SGMS1: variants seen among roughly 807,000 people sequenced by gnomAD.
The protein encoded by SGMS1 is phosphatidylcholine:ceramide cholinephosphotransferase 1.
A neutral mutation model predicts 46.2 loss-of-function variants in SGMS1; 13 were observed. The ratio of observed to expected loss-of-function variants is 0.28; its 90% CI spans 0.18 to 0.45. The LOEUF (loss-of-function observed/expected upper bound fraction) is 0.45, where lower values mean the gene tolerates loss of function less well. SGMS1 is among the 20% of genes least tolerant of loss of function. The pLI, the probability that SGMS1 is intolerant of heterozygous loss-of-function variation, is 1.00. For missense variants in SGMS1, 324 were observed against 519.9 expected (o/e 0.62, Z 3.66); for synonymous variants, 203 against 187.8 (o/e 1.08, Z -0.66).
intron 6 of SGMS1, among the ~76,000 whole-genome samples, chr10:50,415,414 T>TC (rs1366671909): frequency 2.0e-5 from 3 of 152,150 alleles, no homozygotes; most frequent in Non-Finnish European, 4.4e-5. Flanking sequence ...GTGGCATGCT[T>TC]CCCCCTCTCC....
intron 3 of SGMS1, among the ~76,000 whole-genome samples, chr10:50,509,774 T>C (rs1837738190): frequency 6.6e-6 from 1 of 152,242 alleles, no homozygotes; most frequent in African/African-American, 2.4e-5. Flanking sequence ...TGAGGCATTC[T>C]GTATAACTAA....
At chr10:50,460,444 A>G (rs2133683982) in intron 5 of SGMS1, among the ~76,000 whole-genome samples, 1 of 152,362 alleles carries the variant, frequency 6.6e-6, no homozygotes, top group East Asian at 1.9e-4. Flanking sequence ...GGCATTGGGA[A>G]GGACACTCAA....
intron 6 of SGMS1, among the ~76,000 whole-genome samples, chr10:50,385,751 C>T (rs1469203737): frequency 6.6e-6 from 1 of 152,146 alleles, no homozygotes; most frequent in Non-Finnish European, 1.5e-5. Flanking sequence ...CGTGTGACAG[C>T]CAATGGCATG....
intron 6 of SGMS1, among the ~76,000 whole-genome samples, chr10:50,412,506 C>T (rs975148249): frequency 8.5e-5 from 13 of 152,120 alleles, no homozygotes; most frequent in African/African-American, 2.9e-4. Context: ...ATGGCTCTTA[C>T]GGATAAGCTA....
intron 5 of SGMS1, among the ~76,000 whole-genome samples, chr10:50,441,524 A>C (rs1849546437): frequency 6.6e-6 from 1 of 152,246 alleles, no homozygotes; most frequent in African/African-American, 2.4e-5. Context: ...TTTTACAAAA[A>C]AAAGGAAACC....
intron 9 of SGMS1, among the ~76,000 whole-genome samples, chr10:50,308,879 C>T (rs1261200323): frequency 6.6e-6 from 1 of 152,172 alleles, no homozygotes; most frequent in East Asian, 1.9e-4. Flanking sequence ...CTCTCTACAC[C>T]AGCATGACAG....
intron 8 of SGMS1, among the ~76,000 whole-genome samples, chr10:50,314,997 G>T (rs1292861869): frequency 6.6e-6 from 1 of 152,110 alleles, no homozygotes; most frequent in African/African-American, 2.4e-5. Context: ...GTCTTTCTAG[G>T]GACAGTATTG....
At chr10:50,563,385 T>C (rs1311897504) in intron 2 of SGMS1, among the ~76,000 whole-genome samples, 2 of 152,190 alleles carry the variant, frequency 1.3e-5, no homozygotes, top group East Asian at 1.9e-4. Flanking sequence ...TATTATACCA[T>C]TGTTAAAATG....
At chr10:50,542,453 A>C (rs922270028) in intron 2 of SGMS1, among the ~76,000 whole-genome samples, 1 of 152,070 alleles carries the variant, frequency 6.6e-6, no homozygotes, top group African/African-American at 2.4e-5. Context: ...AGAAACACTA[A>C]AATTTCTATG....
chr10:50,423,142 C>T (rs1849276982), intron 6 of SGMS1, among the ~76,000 whole-genome samples: 1 of 152,228 alleles, frequency 6.6e-6, no homozygotes, highest in Admixed American at 6.5e-5. Context: ...AGGTGAGCCA[C>T]ATTGGCTCTA....
chr10:50,344,285 G>A lies in SGMS1; in HGVS notation c.-171C>T, dbSNP rs1589395586. On this transcript the variant is annotated 5_prime_UTR_variant, in exon 7 of 11. Transcript: ENST00000361781. ...CAGTTTTTAAACACCTCATGTAGCT[G>A]TCCAGGGTTCCTGAGCGCCCAAGTA... The A allele has an allele frequency of 2.8e-6, 2 of 721,378 alleles. No individual in the cohort carries two copies. Among genetic ancestry groups the A allele is most frequent in the Non-Finnish European group, 4.3e-6 (2 of 464,630 alleles). The allele number at this position is 721,378 out of a possible 1,614,324, so 44.7% of individuals were successfully genotyped here. A position where few individuals can be genotyped will look rare whatever the true frequency, so the allele number is the denominator to read the frequency against.
At chr10:50,553,011 C>A (rs1372905298) in intron 2 of SGMS1, among the ~76,000 whole-genome samples, 1 of 152,156 alleles carries the variant, frequency 6.6e-6, no homozygotes, top group African/African-American at 2.4e-5. Flanking sequence ...GGAGCACAGC[C>A]CTGCCAATGC....
At chr10:50,570,159 G>A (rs1296958555) in intron 2 of SGMS1, among the ~76,000 whole-genome samples, 4 of 152,158 alleles carry the variant, frequency 2.6e-5, no homozygotes, top group Admixed American at 2.0e-4. Flanking sequence ...AAAAATAGAA[G>A]GTATTAGCCT....
chr10:50,500,225 C>G (rs1282549362), intron 3 of SGMS1, among the ~76,000 whole-genome samples: 4 of 152,142 alleles, frequency 2.6e-5, no homozygotes, highest in Non-Finnish European at 5.9e-5. Flanking sequence ...TGTAGATTTC[C>G]TGGGTATCTT....
chr10:50,355,921 C>A (rs1848138739), intron 6 of SGMS1, among the ~76,000 whole-genome samples: 1 of 152,062 alleles, frequency 6.6e-6, no homozygotes, highest in Non-Finnish European at 1.5e-5. Flanking sequence ...CTTTGCCCCG[C>A]CGCCACCCTG....
chr10:50,400,210 G>C (rs1317030492), intron 6 of SGMS1, among the ~76,000 whole-genome samples: 1 of 151,404 alleles, frequency 6.6e-6, no homozygotes. Flanking sequence ...AAAGATTCTG[G>C]AGCCAGATGG....
chr10:50,462,553 A>G (rs1203130011), intron 4 of SGMS1, among the ~76,000 whole-genome samples: 1 of 152,224 alleles, frequency 6.6e-6, no homozygotes, highest in Non-Finnish European at 1.5e-5. Flanking sequence ...AAGCAAAGAA[A>G]TAGAAACAAT....
At chr10:50,498,002 C>G (rs1236815195) in intron 3 of SGMS1, among the ~76,000 whole-genome samples, 1 of 152,192 alleles carries the variant, frequency 6.6e-6, no homozygotes, top group Admixed American at 6.5e-5. Context: ...GCTAAAAACT[C>G]TCAGAGTAAA....
At chr10:50,416,516 A>G (rs1849172025) in intron 6 of SGMS1, among the ~76,000 whole-genome samples, 1 of 152,230 alleles carries the variant, frequency 6.6e-6, no homozygotes, top group South Asian at 2.1e-4. Flanking sequence ...GATTTGAGGC[A>G]TCTTAGAGAT....
Sources: gnomAD v4.1 joint callset for allele counts (sites outside exome capture counted in the v4.1 genomes callset) on GRCh38, gnomAD v4.1.1 for gene constraint, MANE v1.5 for transcripts, NCBI Gene and HGNC (gene_info 2026-07-23, HGNC 2026-07-21) for gene names.